Variants in SPTAN1 observed in about 807,000 individuals in gnomAD.
SPTAN1 encodes spectrin alpha chain, non-erythrocytic 1.
In SPTAN1, 61 loss-of-function variants were observed where a neutral mutation model predicts 331.3. That is an observed-to-expected ratio of 0.18 (90% CI 0.15 to 0.23). The LOEUF (loss-of-function observed/expected upper bound fraction) is 0.23, where lower values mean the gene tolerates loss of function less well. SPTAN1 is among the 10% of genes least tolerant of loss of function. SPTAN1 has a pLI of 1.00. For synonymous variants in SPTAN1, 1,153 were observed against 1,173.9 expected (o/e 0.98, Z 0.36); for missense variants, 2,043 against 3,147.9 (o/e 0.65, Z 8.40).
intron 1 of SPTAN1, chr9:128,555,466 T>C (rs965787888): frequency 1.6e-6 from 2 of 1,223,710 alleles, no homozygotes; most frequent in East Asian, 5.7e-5. Flanking sequence ...TGAAGGCATA[T>C]TCGTGTCAAA....
At position 128,576,888 on chromosome 9, in the gene SPTAN1, G is replaced by C; in HGVS notation, c.717G>C (p.Arg239=). The change falls in exon 6 of 57, where the codon CGG becomes CGC. Residue 239 remains arginine, a synonymous_variant. Coordinates refer to ENST00000372739, the MANE Select transcript of SPTAN1 (RefSeq NM_001130438.3). The part of the protein sequence containing the change: ...KQDEVNAAWQ[R]LKGLALQRQG... ...ATGAAGTCAATGCAGCCTGGCAGCG[G>C]CTGAAGGGCCTGGCTCTGCAGAGGC... The C allele has an allele frequency of 6.2e-7, 1 of 1,614,150 alleles. No homozygotes were observed. The highest frequency in any genetic ancestry group is 1.1e-5 in the South Asian group (1 of 91,086).
At chr9:128,589,824 C>CT (rs1853231101) in intron 21 of SPTAN1, among the ~76,000 whole-genome samples, 1 of 152,114 alleles carries the variant, frequency 6.6e-6, no homozygotes, top group African/African-American at 2.4e-5. Flanking sequence ...ATCCACCCGC[C>CT]TCAGCCTCCC....
intron 45 of SPTAN1, among the ~76,000 whole-genome samples, chr9:128,623,797 T>C (rs1029139794): frequency 1.3e-5 from 2 of 151,746 alleles, no homozygotes; most frequent in Non-Finnish European, 2.9e-5. Flanking sequence ...AATTAATTCC[T>C]TGGACCGGCT....
Position 128,611,799 on chromosome 9 carries a change from C to T in SPTAN1, c.4859C>T (p.Ser1620Phe). 1.1e-5 allele frequency: 17 copies of T among 1,614,154 alleles called. No homozygotes were observed. Among genetic ancestry groups the T allele is most frequent in the Non-Finnish European group, 1.4e-5 (17 of 1,180,034 alleles). The change falls in exon 38 of 57, where the codon TCC (serine) becomes TTC (phenylalanine). Residue 1620 changes from serine (S) to phenylalanine (F), a missense_variant. Ser to Phe is a radical substitution (Grantham distance 155). Coordinates refer to ENST00000372739, the MANE Select transcript of SPTAN1 (RefSeq NM_001130438.3). The stretch of plus-strand genomic sequence containing the variant: ...CGTGGGGTTATCGACATGGGCAACT[C>T]CCTCATTGAACGTGGAGCCTGTGCC... ...RIRGVIDMGN[S>F]LIERGACAGS...
intron 21 of SPTAN1, among the ~76,000 whole-genome samples, chr9:128,589,279 C>CT (rs1853111201): frequency 6.9e-6 from 1 of 145,708 alleles, no homozygotes; most frequent in Admixed American, 7.1e-5. Context: ...CTTTTTTTTT[C>CT]TTTTTCTTTT....
In SPTAN1 at chr9:128,605,459, G is replaced by A. The variant is rs539724071; in HGVS notation, c.4028G>A (p.Arg1343His). The A allele has an allele frequency of 6.2e-6, 10 of 1,614,124 alleles. No individual in the cohort carries two copies. In the East Asian group the frequency reaches 8.9e-5, roughly 14 times the overall value. Residue 1343 changes from arginine to histidine, a missense_variant, in exon 31 of 57, where the codon CGC becomes CAC. Physicochemically the swap from Arg to His is conservative, Grantham distance 29 (BLOSUM62 0). Around this residue, in one of 12 missense-constraint regions of SPTAN1, gnomAD observed 179 missense variants for 215.7 expected, o/e 0.83. Coordinates refer to ENST00000372739, the MANE Select transcript of SPTAN1 (RefSeq NM_001130438.3). ...TTGGGTGACTCCCACGACCTGCAGC[G>A]CTTCCTTAGCGATTTCCGGTACGGA... Reference protein sequence around the residue: ...AKLGDSHDLQRFLSDFRDLMS... With the variant: ...AKLGDSHDLQHFLSDFRDLMS...
chr9:128,624,417 G>C lies in SPTAN1; in HGVS notation c.5922G>C (p.Lys1974Asn), dbSNP rs777407223. 5.0e-6 allele frequency: 8 copies of C among 1,614,040 alleles called. No individual in the cohort carries two copies. Among genetic ancestry groups the C allele is most frequent in the Non-Finnish European group, 6.8e-6 (8 of 1,180,038 alleles). Residue 1974 changes from lysine to asparagine, a missense_variant, in exon 46 of 57, where the codon AAG becomes AAC. This residue lies in a region of SPTAN1 where 323 missense variants were observed against 581.1 expected (regional missense o/e 0.56). Transcript: ENST00000372739. ...TGGAGAAAGCTGCAGCCCAGAGAAA[G>C]GCGAAGCTGGATGAGAACTCGGCCT... ...SDLEKAAAQR[K>N]AKLDENSAFL...
In SPTAN1 at chr9:128,587,710, A is replaced by G. The variant is rs369773602; in HGVS notation, c.2871+12A>G. ...CACAGTCCTGCCGGGTAAACTTGTA[A>G]CAGTTTATGGGTTACTGGAGGGAGG... On this transcript the variant is annotated intron_variant, in intron 20 of 56. Transcript: ENST00000372739. 16 of 1,612,960 alleles carry G rather than the reference A, an allele frequency of 9.9e-6. No individual in the cohort carries two copies. Among genetic ancestry groups the G allele is most frequent in the Non-Finnish European group, 1.4e-5 (16 of 1,179,114 alleles).
At chr9:128,604,234 A>G in intron 28 of SPTAN1, 92 bp from the exon 29 acceptor site, 5 of 1,253,086 alleles carry the variant, frequency 4.0e-6, no homozygotes, top group Non-Finnish European at 5.8e-6. Context: ...ATGCCCTAGC[A>G]TCTCCTTCAA....
intron 40 of SPTAN1, among the ~76,000 whole-genome samples, chr9:128,615,251 G>T (rs995903329): frequency 6.6e-6 from 1 of 152,098 alleles, no homozygotes; most frequent in Non-Finnish European, 1.5e-5. Context: ...CAAAAGAATG[G>T]CTACTCAGTA....
intron 40 of SPTAN1, 113 bp from the exon 41 acceptor site, chr9:128,615,519 G>T (rs754042321): frequency 1.9e-6 from 2 of 1,062,084 alleles, no homozygotes; most frequent in Non-Finnish European, 2.9e-6. Flanking sequence ...CCACATAACA[G>T]ACTTTGAGAA....
intron 4 of SPTAN1, among the ~76,000 whole-genome samples, 180 bp from the exon 5 acceptor site, chr9:128,575,019 A>T (rs1289922633): frequency 1.3e-5 from 2 of 152,222 alleles, no homozygotes; most frequent in African/African-American, 4.8e-5. Flanking sequence ...TGAGACAGAA[A>T]TGCCGTGAAC....
At chr9:128,623,461 G>A (rs778867130) in intron 45 of SPTAN1, among the ~76,000 whole-genome samples, 6 of 147,494 alleles carry the variant, frequency 4.1e-5, no homozygotes, top group Non-Finnish European at 4.5e-5. Flanking sequence ...CAGCCCATTC[G>A]TTTTTTTTGT....
Position 128,626,378 on chromosome 9 carries a change from C to G in SPTAN1, c.6280-13C>G, listed in dbSNP as rs369571747. The G allele has an allele frequency of 6.2e-7, 1 of 1,613,244 alleles. No homozygotes were observed. Among genetic ancestry groups the G allele is most frequent in the East Asian group, 2.2e-5 (1 of 44,880 alleles). ...CCTGGCGACTCCGCCAACTCAGTCT[C>G]TTCTGCTTCCAGGTGGAGGACCTCT... On this transcript the variant is annotated splice_polypyrimidine_tract_variant and intron_variant, in intron 48 of 56. Coordinates refer to ENST00000372739, the MANE Select transcript of SPTAN1 (RefSeq NM_001130438.3).
chr9:128,622,461 G>T (rs554384831), intron 45 of SPTAN1, among the ~76,000 whole-genome samples: 1 of 151,776 alleles, frequency 6.6e-6, no homozygotes, highest in African/African-American at 2.4e-5. Flanking sequence ...CACTATGCCC[G>T]GCTAATTTTG....
chr9:128,562,881 C>T (rs981935465), intron 1 of SPTAN1, among the ~76,000 whole-genome samples: 4 of 150,822 alleles, frequency 2.7e-5, no homozygotes, highest in East Asian at 1.9e-4. Flanking sequence ...AGGAGAATGG[C>T]GTGAACCCAG....
chr9:128,602,697 G>T (rs150585404), intron 27 of SPTAN1, among the ~76,000 whole-genome samples: 1 of 151,730 alleles, frequency 6.6e-6, no homozygotes, highest in Non-Finnish European at 1.5e-5. Context: ...GTGCAGTGGC[G>T]CAATCTCAGC....
chr9:128,596,307 C>T (rs7870109), intron 24 of SPTAN1: 32,979 of 150,744 alleles, frequency 0.22, 5,206 homozygotes, highest in East Asian at 0.45. Flanking sequence ...GACAGAGTCT[C>T]TCTCTGTTGC....
In SPTAN1 at chr9:128,626,622, C is replaced by G; in HGVS notation, c.6511C>G (p.Pro2171Ala). 6.2e-7 allele frequency: 1 copy of G among 1,613,802 alleles called. No individual in the cohort carries two copies. The highest frequency in any genetic ancestry group is 8.5e-7 in the Non-Finnish European group (1 of 1,179,912). ...CAAGAGCTTCCGCGTAGCCTCCAAC[C>G]CCTACACCTGGTTTACCATGGAGGC... ...QIKSFRVASN[P>A]YTWFTMEALE... The change falls in exon 49 of 57, where the codon CCC (proline) becomes GCC (alanine). Residue 2171 changes from proline (P) to alanine (A), a missense_variant. Around this residue, in one of 12 missense-constraint regions of SPTAN1, gnomAD observed 256 missense variants for 376.4 expected, o/e 0.68. Transcript: ENST00000372739.
Sources: allele counts gnomAD v4.1 joint callset (sites outside exome capture counted in the v4.1 genomes callset), GRCh38; gene constraint gnomAD v4.1.1; regional missense constraint gnomAD v4.1.1; transcripts MANE v1.5; gene names NCBI Gene and HGNC (gene_info 2026-07-23, HGNC 2026-07-21).